PLPPR5: variants seen among roughly 807,000 people sequenced by gnomAD.
PLPPR5 encodes the protein phospholipid phosphatase-related protein type 5.
In PLPPR5, 16 loss-of-function variants were observed where a neutral mutation model predicts 33.9. That is an observed-to-expected ratio of 0.47 (90% CI 0.32 to 0.72). The LOEUF is 0.72. PLPPR5 is among the 30% of genes least tolerant of loss of function. PLPPR5 has a pLI of 0.03. For synonymous variants in PLPPR5, 163 were observed against 150.3 expected, an observed-to-expected ratio of 1.08 and a Z score of -0.62; for missense variants, 301 against 406.7, an observed-to-expected ratio of 0.74 and a Z score of 2.23.
At chr1:98,988,886 A>C (rs968919992) in intron 1 of PLPPR5, among the ~76,000 whole-genome samples, 5 of 152,056 alleles carry the variant, frequency 3.3e-5, no homozygotes, top group Non-Finnish European at 5.9e-5. Flanking sequence ...GACATGCCAA[A>C]CTCAGATCAT....
chr1:98,895,094 C>T (rs1005812798), intron 5 of PLPPR5, among the ~76,000 whole-genome samples: 16 of 151,926 alleles, frequency 1.1e-4, no homozygotes, highest in Admixed American at 6.6e-5. Context: ...TTTAATGTGT[C>T]CACTAAAATG....
chr1:98,965,260 C>A (rs545832260), intron 1 of PLPPR5, among the ~76,000 whole-genome samples: 1 of 152,076 alleles, frequency 6.6e-6, no homozygotes, highest in East Asian at 1.9e-4. Context: ...AGCCTTGCAC[C>A]CCACTGACAG....
intron 5 of PLPPR5, among the ~76,000 whole-genome samples, chr1:98,893,605 T>C (rs1280273309): frequency 6.7e-6 from 1 of 148,442 alleles, no homozygotes; most frequent in African/African-American, 2.5e-5. Context: ...TACCACAGAA[T>C]TCTTCACAGC....
At chr1:98,963,811 A>C (rs974114002) in intron 1 of PLPPR5, among the ~76,000 whole-genome samples, 1 of 152,186 alleles carries the variant, frequency 6.6e-6, no homozygotes, top group Non-Finnish European at 1.5e-5. Flanking sequence ...CAGGTATAAG[A>C]AAGCCGAGTA....
chr1:98,932,390 C>T (rs1650010079), intron 3 of PLPPR5, among the ~76,000 whole-genome samples: 1 of 152,072 alleles, frequency 6.6e-6, no homozygotes, highest in Non-Finnish European at 1.5e-5. Flanking sequence ...TTTGTTTTGC[C>T]GCTTACTCAA....
At chr1:98,926,009 T>G (rs556261494) in intron 3 of PLPPR5, among the ~76,000 whole-genome samples, 1 of 152,316 alleles carries the variant, frequency 6.6e-6, no homozygotes, top group Admixed American at 6.5e-5. Flanking sequence ...TTGGAGAACC[T>G]TTTTCTTTCT....
Position 98,957,706 on chromosome 1 carries a change from C to T in PLPPR5, c.238-965G>A, listed in dbSNP as rs904053296. Among the ~76,000 whole-genome samples the T allele has an allele frequency of 1.7e-4, 26 of 152,266 alleles. 1 individual carries two copies. The highest frequency in any genetic ancestry group is 8.3e-4 in the South Asian group (4 of 4,826). On this transcript the variant is annotated intron_variant, in intron 1 of 5. Coordinates refer to ENST00000263177, the MANE Select transcript of PLPPR5 (RefSeq NM_001037317.2). ...GAATTGTCATAATATACTACTTATA[C>T]TTTAGTATAAATGTTATTTTGATCT...
chr1:98,893,121 G>T lies in PLPPR5; in HGVS notation c.934-17C>A. Reference sequence around the variant, plus strand: ...GATGTGGTTCTGCAAAAAGAAAAAGGAATGACAAAGTGAGAGGCTTGGGAA... The same window carrying T: ...GATGTGGTTCTGCAAAAAGAAAAAGTAATGACAAAGTGAGAGGCTTGGGAA... On this transcript the variant is annotated splice_polypyrimidine_tract_variant and intron_variant, in intron 5 of 5. Coordinates refer to ENST00000263177, the MANE Select transcript of PLPPR5 (RefSeq NM_001037317.2). The T allele has an allele frequency of 6.2e-6, 10 of 1,609,524 alleles. No individual in the cohort carries two copies. Among genetic ancestry groups the T allele is most frequent in the Non-Finnish European group, 8.5e-6 (10 of 1,177,368 alleles).
Position 99,004,491 on chromosome 1 carries a change from T to C in PLPPR5, c.181A>G (p.Ser61Gly). ...RKPYPGPEDS[S>G]AVPPVLLYSL... ...TAGAGGAGCACGGGGGGCACGGCGC[T>C]GCTGTCCTCCGGGCCCGGGTAGGGT... Residue 61 changes from serine (S) to glycine (G), a missense_variant, in exon 1 of 6, where the codon AGC becomes GGC. Coordinates refer to ENST00000263177, the MANE Select transcript of PLPPR5 (RefSeq NM_001037317.2). 6.2e-7 allele frequency: 1 copy of C among 1,612,844 alleles called. No homozygotes were observed. Among genetic ancestry groups the C allele is most frequent in the Non-Finnish European group, 8.5e-7 (1 of 1,179,722 alleles).
At chr1:98,961,243 T>C (rs1651238464) in intron 1 of PLPPR5, among the ~76,000 whole-genome samples, 1 of 152,240 alleles carries the variant, frequency 6.6e-6, no homozygotes, top group African/African-American at 2.4e-5. Flanking sequence ...TCTAGGAGAA[T>C]ATAAACATAC....
intron 1 of PLPPR5, among the ~76,000 whole-genome samples, chr1:98,975,521 T>G (rs572324513): frequency 6.6e-6 from 1 of 152,054 alleles, no homozygotes; most frequent in Non-Finnish European, 1.5e-5. Flanking sequence ...CAAATAAAGT[T>G]GTCAACAGAA....
chr1:99,002,686 T>G (rs1652895167), intron 1 of PLPPR5, among the ~76,000 whole-genome samples: 1 of 152,124 alleles, frequency 6.6e-6, no homozygotes, highest in African/African-American at 2.4e-5. Context: ...GTGAGTGTGC[T>G]CTCGTCTCTA....
intron 1 of PLPPR5, among the ~76,000 whole-genome samples, chr1:98,982,737 A>G (rs1439492640): frequency 1.3e-5 from 2 of 152,036 alleles, no homozygotes; most frequent in East Asian, 1.9e-4. Flanking sequence ...CCTGAATATC[A>G]CTGCTGACAA....
chr1:98,893,618 C>CT (rs58092144), intron 5 of PLPPR5, among the ~76,000 whole-genome samples: 47,107 of 90,172 alleles, frequency 0.52, 11,380 homozygotes, highest in East Asian at 0.61. Context: ...TTCACAGCGC[C>CT]TTTTTTTTTT....
At chr1:98,899,322 T>A (rs757725824) in intron 5 of PLPPR5, among the ~76,000 whole-genome samples, 2 of 152,204 alleles carry the variant, frequency 1.3e-5, no homozygotes, top group African/African-American at 2.4e-5. Flanking sequence ...GATCAGAATG[T>A]CTTGGTGTGA....
At chr1:98,915,346 A>G (rs982619652) in intron 4 of PLPPR5, among the ~76,000 whole-genome samples, 1 of 152,160 alleles carries the variant, frequency 6.6e-6, no homozygotes, top group Admixed American at 6.5e-5. Context: ...CATTATATTC[A>G]TAATAAACCT....
intron 1 of PLPPR5, chr1:98,991,090 T>C (rs915733064): frequency 6.6e-6 from 1 of 152,018 alleles, no homozygotes; most frequent in Non-Finnish European, 1.5e-5. Context: ...CTACATACAA[T>C]TGGAAGCATT....
chr1:98,931,057 T>C (rs1329461), intron 3 of PLPPR5, among the ~76,000 whole-genome samples: 83,922 of 152,018 alleles, frequency 0.55, 23,523 homozygotes, highest in East Asian at 0.77. Context: ...TTGCTTAGTG[T>C]CTGCTTGCAC....
chr1:98,956,827 G>A (rs1443126062), intron 1 of PLPPR5, 86 bp from the exon 2 acceptor site: 16 of 1,066,540 alleles, frequency 1.5e-5, no homozygotes, highest in Non-Finnish European at 1.9e-5. Context: ...GTAAAATGGA[G>A]CCCCTTTGAA....
Sources: gnomAD v4.1 joint callset for allele counts (sites outside exome capture counted in the v4.1 genomes callset) on GRCh38, gnomAD v4.1.1 for gene constraint, MANE v1.5 for transcripts, NCBI Gene and HGNC (gene_info 2026-07-23, HGNC 2026-07-21) for gene names.